The following NBPF9 variants were observed in gnomAD, a reference collection of about 807,000 sequenced individuals.
NBPF9 encodes NBPF member 9.
In NBPF9, 91 loss-of-function variants were observed where a neutral mutation model predicts 97.8. That is an observed-to-expected ratio of 0.93 (90% CI 0.79 to 1.11). The LOEUF is 1.11. Among genes scored for constraint, NBPF9 ranks in the 50% least tolerant of loss-of-function variants. NBPF9 has a pLI of 0.00. For synonymous variants in NBPF9, 334 were observed against 359.5 expected (o/e 0.93, Z 0.80); for missense variants, 992 against 939.5 (o/e 1.06, Z -0.73).
At chr1:149,063,971 G>T (rs1199867346) in intron 19 of NBPF9, among the ~76,000 whole-genome samples, 166 bp from the exon 20 acceptor site, 1 of 134,504 alleles carries the variant, frequency 7.4e-6, no homozygotes, top group South Asian at 2.6e-4. Flanking sequence ...CTAGGGCCAG[G>T]TAGAAAAGGA....
intron 17 of NBPF9, chr1:149,065,981 T>G: frequency 1.8e-6 from 1 of 566,942 alleles, no homozygotes; most frequent in East Asian, 3.3e-5. Context: ...CACAGAGAAC[T>G]GACACAGGGC....
At chr1:149,102,830 G>A (rs1352404451) in exon 2 of NBPF9, 4 of 151,900 alleles carry the variant, frequency 2.6e-5, no homozygotes, top group African/African-American at 4.8e-5. Context: ...TGGTACACCC[G>A]GCTTGCCCAT....
intron 29 of NBPF9, among the ~76,000 whole-genome samples, chr1:149,056,146 G>A (rs1331421721): frequency 3.3e-5 from 5 of 151,824 alleles, no homozygotes; most frequent in Non-Finnish European, 2.9e-5. Context: ...CTAGTGAATT[G>A]GCCAGGTGAC....
At chr1:149,077,069 A>G (rs376230665) in intron 11 of NBPF9, 139 bp downstream of exon 11, 1 of 629,754 alleles carries the variant, frequency 1.6e-6, no homozygotes. Flanking sequence ...TGCTGTGATT[A>G]TATGTGTGAG....
At chr1:149,057,752 C>CAG (rs1250490177) in intron 27 of NBPF9, among the ~76,000 whole-genome samples, 1,230 of 63,898 alleles carry the variant, frequency 0.019, 54 homozygotes, top group African/African-American at 0.061. Context: ...CACACACACA[C>CAG]AGAGAGAGAG....
intron 12 of NBPF9, among the ~76,000 whole-genome samples, chr1:149,074,720 C>T (rs1284417883): frequency 2.6e-5 from 4 of 151,414 alleles, no homozygotes; most frequent in Admixed American, 2.6e-4. Flanking sequence ...CTTTCTTCCT[C>T]TTTAGCAACA....
chr1:149,055,569 C>A lies in NBPF9; in HGVS notation c.*87G>T, dbSNP rs1173851427. On this transcript the variant is annotated 3_prime_UTR_variant, in exon 30 of 30. Coordinates refer to ENST00000584027, the Ensembl canonical transcript of NBPF9. ...CTGACCCATCCTATGTCTGGGCTTCCAAATGGAACTGTACTTTCATTCAAA... is the reference window on the plus strand; with the variant it reads ...CTGACCCATCCTATGTCTGGGCTTCAAAATGGAACTGTACTTTCATTCAAA... 8.1e-5 allele frequency: 127 copies of A among 1,564,080 alleles called. 2 individuals carry two copies. In the African/African-American group the frequency reaches 1.5e-3, roughly 18 times the overall value.
At chr1:149,078,937 G>A in intron 9 of NBPF9, 70 bp downstream of exon 9, 4 of 1,533,078 alleles carry the variant, frequency 2.6e-6, no homozygotes, top group Non-Finnish European at 2.7e-6. Context: ...CTGTCATTGT[G>A]AAAGTATGGA....
At chr1:149,055,979 T>C (rs1299233019) in intron 29 of NBPF9, 80 bp from the exon 30 acceptor site, 25 of 1,609,920 alleles carry the variant, frequency 1.6e-5, no homozygotes, top group African/African-American at 5.4e-5. Context: ...AGAAGTAACA[T>C]AAGGAAGTGG....
rs5005152 is a variant in NBPF9 at position 149,072,533 on chromosome 1, A to C, written c.1306+185T>G. Among the ~76,000 whole-genome samples the C allele has an allele frequency of 6.9e-3, 1,039 of 150,712 alleles. 19 individuals are homozygous for C. Among genetic ancestry groups the C allele is most frequent in the African/African-American group, 0.024 (989 of 40,524 alleles). ...CAAGGGAGGAGGGACACTTGCAATAATGTGACCTCCAACCCCATGGGTTTC... is the reference window on the plus strand; with the variant it reads ...CAAGGGAGGAGGGACACTTGCAATACTGTGACCTCCAACCCCATGGGTTTC... On this transcript the variant is annotated intron_variant, in intron 14 of 29. Coordinates refer to ENST00000584027, the Ensembl canonical transcript of NBPF9.
At chr1:149,097,559 C>T (rs2081866924) in intron 4 of NBPF9, among the ~76,000 whole-genome samples, 1 of 151,198 alleles carries the variant, frequency 6.6e-6, no homozygotes, top group Non-Finnish European at 1.5e-5. Flanking sequence ...CTGACATCGT[C>T]CATTTGTCAT....
chr1:149,064,713 G>A (rs1553651237), intron 18 of NBPF9: 3 of 617,940 alleles, frequency 4.9e-6, no homozygotes, highest in African/African-American at 3.7e-5. Flanking sequence ...TCTTCCCTAT[G>A]TGCTCTGTCC....
intron 12 of NBPF9, among the ~76,000 whole-genome samples, chr1:149,074,695 A>G (rs2079698577): frequency 6.6e-6 from 1 of 151,232 alleles, no homozygotes; most frequent in Non-Finnish European, 1.5e-5. Context: ...ATCTCCACAC[A>G]TTCTCGGGTG....
chr1:149,076,875 A>G (rs1303756029), intron 11 of NBPF9, among the ~76,000 whole-genome samples: 9 of 151,660 alleles, frequency 5.9e-5, no homozygotes, highest in Admixed American at 2.0e-4. Context: ...GAAGTGAATG[A>G]GGGTGGGAGG....
rs1469296249 is a variant in NBPF9 at position 149,087,714 on chromosome 1, C to T, written c.-195+3039G>A. Among the ~76,000 whole-genome samples, 305 of 150,978 alleles carry T rather than the reference C, an allele frequency of 2.0e-3. 5 individuals carry two copies. Among genetic ancestry groups the T allele is most frequent in the African/African-American group, 7.1e-3 (291 of 41,204 alleles). ...AACTGACTTTTTAAACATAACAACTCTTCTGATCCATGACAAGGTTTATCT... is the reference window on the plus strand; with the variant it reads ...AACTGACTTTTTAAACATAACAACTTTTCTGATCCATGACAAGGTTTATCT... On this transcript the variant is annotated intron_variant, in intron 5 of 29. Transcript: ENST00000584027.
Position 149,082,925 on chromosome 1 carries a change from G to A in NBPF9, c.-194-495C>T, listed in dbSNP as rs1553657322. Among the ~76,000 whole-genome samples the A allele has an allele frequency of 5.5e-4, 77 of 140,770 alleles. 2 individuals are homozygous for A. The East Asian group carries it at 0.014, about 26-fold the overall frequency. The allele number at this position is 140,770 out of a possible 152,430, so 92.4% of individuals were successfully genotyped here. ...CTCCCAAGTAGCTGGGAATACAGGC[G>A]CCCGCCACCACGCCTGGCTAATTTT... On this transcript the variant is annotated intron_variant, in intron 5 of 29. Coordinates refer to ENST00000584027, the Ensembl canonical transcript of NBPF9.
chr1:149,082,959 T>TTC (rs2080633880), intron 5 of NBPF9, among the ~76,000 whole-genome samples: 1 of 73,426 alleles, frequency 1.4e-5, no homozygotes, highest in Non-Finnish European at 2.7e-5. Flanking sequence ...TTTCTTTTCT[T>TTC]TTTTTTTTTT....
chr1:149,088,119 C>T (rs77873839), intron 5 of NBPF9, among the ~76,000 whole-genome samples: 5 of 152,348 alleles, frequency 3.3e-5, no homozygotes, highest in African/African-American at 9.6e-5. Context: ...GTGTGAGCCA[C>T]GGTGCCCAGT....
At chr1:149,071,337 A>G (rs1195613148) in intron 15 of NBPF9, among the ~76,000 whole-genome samples, 198 bp from the exon 16 acceptor site, 2 of 151,584 alleles carry the variant, frequency 1.3e-5, no homozygotes, top group Non-Finnish European at 2.9e-5. Flanking sequence ...AGAGAGGAAG[A>G]GAGCAGCTGC....
Sources: allele counts gnomAD v4.1 joint callset (sites outside exome capture counted in the v4.1 genomes callset), GRCh38; gene constraint gnomAD v4.1.1; transcripts MANE v1.5; gene names NCBI Gene and HGNC (gene_info 2026-07-23, HGNC 2026-07-21).